CNOT10: variants seen among roughly 807,000 people sequenced by gnomAD.
CNOT10 encodes the protein CCR4-NOT transcription complex subunit 10.
CNOT10 carries 30 observed loss-of-function variants against 94.6 expected under a neutral mutation model. The ratio of observed to expected loss-of-function variants is 0.32; its 90% CI spans 0.24 to 0.43. CNOT10 has a LOEUF of 0.43. CNOT10 is among the 20% of genes least tolerant of loss of function. The probability of loss-of-function intolerance (pLI) is 1.00; values close to 1 mark genes in which losing one functional copy is unlikely to be tolerated. For synonymous variants in CNOT10, 289 were observed against 301.6 expected (o/e 0.96, Z 0.43); for missense variants, 759 against 877.2 (o/e 0.87, Z 1.70).
At position 32,713,338 on chromosome 3, in the gene CNOT10, A is replaced by G; in HGVS notation, c.542A>G (p.Gln181Arg). ...LLAVLEKMISQGNNNKNGKNE... is the reference protein window; with the variant it reads ...LLAVLEKMISRGNNNKNGKNE... ...GCTGTCCTAGAAAAAATGATTTCAC[A>G]GGGTAACAATAACAAAAATGGAAAG... is the stretch of plus-strand genomic sequence containing the variant. The change falls in exon 5 of 19, where the codon CAG becomes CGG. Residue 181 changes from glutamine (Q) to arginine (R), a missense_variant. Transcript: ENST00000328834. 1 of 1,599,678 alleles carries G rather than the reference A, an allele frequency of 6.3e-7. No individual in the cohort carries two copies. Among genetic ancestry groups the G allele is most frequent in the Non-Finnish European group, 8.5e-7 (1 of 1,176,528 alleles).
chr3:32,688,262 T>C (rs1310610421), intron 1 of CNOT10, among the ~76,000 whole-genome samples: 1 of 152,146 alleles, frequency 6.6e-6, no homozygotes, highest in African/African-American at 2.4e-5. Flanking sequence ...CAGATAAGCA[T>C]GTAAATAAAA....
chr3:32,720,265 T>C, intron 8 of CNOT10, 34 bp downstream of exon 8: 1 of 1,079,554 alleles, frequency 9.3e-7, no homozygotes, highest in Non-Finnish European at 1.4e-6. Context: ...AACTTTTTTT[T>C]GCCTTGCTCT....
chr3:32,702,558 A>T (rs957474737), intron 1 of CNOT10, among the ~76,000 whole-genome samples: 2 of 152,244 alleles, frequency 1.3e-5, no homozygotes, highest in African/African-American at 4.8e-5. Context: ...TTCTGAGCCT[A>T]TGAAAATATT....
chr3:32,773,781 A>C lies in CNOT10; in HGVS notation c.*170A>C. The C allele has an allele frequency of 1.7e-6, 1 of 586,144 alleles. No homozygotes were observed. The highest frequency in any genetic ancestry group is 2.8e-6 in the Non-Finnish European group (1 of 357,374). The allele number at this position is 586,144 out of a possible 1,614,324, so 36.3% of individuals were successfully genotyped here. A position where few individuals can be genotyped will look rare whatever the true frequency, so the allele number is the denominator to read the frequency against. ...CTTAAAATTAAGGATTTACTAAGTC[A>C]TCATCAGCTGTTTTTCTTAATTTCA... On this transcript the variant is annotated 3_prime_UTR_variant, in exon 19 of 19. Transcript: ENST00000328834.
intron 1 of CNOT10, among the ~76,000 whole-genome samples, chr3:32,689,082 G>A (rs1244027196): frequency 6.6e-6 from 1 of 152,106 alleles, no homozygotes; most frequent in Non-Finnish European, 1.5e-5. Flanking sequence ...GCGGGTGCCT[G>A]TGGCTCCCAC....
chr3:32,739,484 G>A (rs771016242), intron 13 of CNOT10, among the ~76,000 whole-genome samples: 2 of 151,626 alleles, frequency 1.3e-5, no homozygotes, highest in Non-Finnish European at 2.9e-5. Context: ...TCCACAAACA[G>A]TTATGTTTTA....
Position 32,717,134 on chromosome 3 carries a change from TA to T in CNOT10, c.661-18del. 1 of 1,463,090 alleles carries T rather than the reference TA, an allele frequency of 6.8e-7. No individual in the cohort carries two copies. The highest frequency in any genetic ancestry group is 9.4e-7 in the Non-Finnish European group (1 of 1,063,218). The allele number at this position is 1,463,090 out of a possible 1,614,324, so 90.6% of individuals were successfully genotyped here. Reference sequence around the variant, plus strand: ...TAAATCCACCATAGTTTTAACATACTAACATTTTCCCTTTGACAGTACAAAG... The same window carrying T: ...TAAATCCACCATAGTTTTAACATACTACATTTTCCCTTTGACAGTACAAAG... On this transcript the variant is annotated intron_variant, in intron 6 of 18. Coordinates refer to ENST00000328834, the MANE Select transcript of CNOT10 (RefSeq NM_015442.3).
chr3:32,689,999 G>A (rs1291876007), intron 1 of CNOT10, among the ~76,000 whole-genome samples: 2 of 152,142 alleles, frequency 1.3e-5, no homozygotes, highest in African/African-American at 2.4e-5. Flanking sequence ...AGCATAGGGA[G>A]CAAAGGCAGC....
chr3:32,748,884 G>T (rs1171225612), intron 13 of CNOT10, among the ~76,000 whole-genome samples: 1 of 151,418 alleles, frequency 6.6e-6, no homozygotes, highest in African/African-American at 2.4e-5. Flanking sequence ...AGGCTGGAGT[G>T]CAGTGGCACA....
chr3:32,704,721 T>C, intron 2 of CNOT10, 90 bp from the exon 3 acceptor site: 1 of 1,381,084 alleles, frequency 7.2e-7, no homozygotes, highest in East Asian at 2.6e-5. Context: ...ACTTTTAAGA[T>C]AAAGATGAAT....
chr3:32,764,810 G>C lies in CNOT10; in HGVS notation c.2004+1G>C. 6.2e-7 allele frequency: 1 copy of C among 1,614,166 alleles called. No individual in the cohort carries two copies. Among genetic ancestry groups the C allele is most frequent in the Non-Finnish European group, 8.5e-7 (1 of 1,180,030 alleles). On this transcript the variant is annotated splice_donor_variant, in intron 17 of 18. Coordinates refer to ENST00000328834, the MANE Select transcript of CNOT10 (RefSeq NM_015442.3). LOFTEE classifies it high-confidence loss of function. ...CAAAGCCCGAAAGTGTCTCCACCAG[G>C]TGAGTCCAGAGTGGGAGGAACTGAA... is the stretch of plus-strand genomic sequence containing the variant.
At chr3:32,696,011 GTGTGTA>G (rs1697046269) in intron 1 of CNOT10, among the ~76,000 whole-genome samples, 1 of 147,046 alleles carries the variant, frequency 6.8e-6, no homozygotes, top group African/African-American at 2.5e-5. Flanking sequence ...GTGTGTGTGT[GTGTGTA>G]TTTGAAATGG....
At chr3:32,695,797 A>G in intron 1 of CNOT10, 2 of 1,535,986 alleles carry the variant, frequency 1.3e-6, no homozygotes, top group Non-Finnish European at 1.7e-6. Context: ...AAATAAAGAA[A>G]TGCTGTGGGA....
intron 12 of CNOT10, among the ~76,000 whole-genome samples, chr3:32,735,917 A>C (rs1699166646): frequency 6.6e-6 from 1 of 152,188 alleles, no homozygotes. Flanking sequence ...TCTGGGCAGC[A>C]TAGCAAGACC....
intron 17 of CNOT10, chr3:32,769,216 GATA>G (rs1387241278): frequency 6.6e-6 from 1 of 152,346 alleles, no homozygotes; most frequent in Non-Finnish European, 1.5e-5. Flanking sequence ...AGTACAAGTT[GATA>G]ATAAGGTGAG....
chr3:32,740,694 C>A (rs890468719), intron 13 of CNOT10, among the ~76,000 whole-genome samples: 15 of 151,690 alleles, frequency 9.9e-5, no homozygotes, highest in Non-Finnish European at 1.2e-4. Flanking sequence ...AACCCTGTCT[C>A]TATTAAAAAT....
In CNOT10 at chr3:32,690,451, C is replaced by G. The variant is rs974465799; in HGVS notation, c.22+4969C>G. ...CCATGTTGGTGTGCAGTGGCACCAT[C>G]ATAGCTCACTGCAGCCATGAACTCC... On this transcript the variant is annotated intron_variant, in intron 1 of 18. Transcript: ENST00000328834. Among the ~76,000 whole-genome samples, 3 of 152,166 alleles carry G rather than the reference C, an allele frequency of 2.0e-5. No homozygotes were observed. The South Asian group carries it at 6.2e-4, about 32-fold the overall frequency.
chr3:32,753,240 A>G (rs1274603226), intron 13 of CNOT10: 4 of 762,124 alleles, frequency 5.2e-6, no homozygotes, highest in Non-Finnish European at 9.7e-6. Flanking sequence ...GATAGTGCAG[A>G]TGCTAATTTC....
At chr3:32,701,792 G>T (rs6764922) in intron 1 of CNOT10, among the ~76,000 whole-genome samples, 151,223 of 152,206 alleles carry the variant, frequency 0.99, 75,135 homozygotes, top group Middle Eastern at 1. Flanking sequence ...TCTGATAGTT[G>T]TTTTTGTTTG....
Sources: gnomAD v4.1 joint callset for allele counts (sites outside exome capture counted in the v4.1 genomes callset) on GRCh38, gnomAD v4.1.1 for gene constraint, MANE v1.5 for transcripts, NCBI Gene and HGNC (gene_info 2026-07-23, HGNC 2026-07-21) for gene names.